The following SRGAP2 variants were observed in gnomAD, a reference collection of about 807,000 sequenced individuals.
SRGAP2 encodes the protein SLIT-ROBO Rho GTPase-activating protein 2.
Under a neutral mutation model 57.2 loss-of-function variants are expected in SRGAP2, and 15 were observed. The ratio of observed to expected loss-of-function variants is 0.26; its 90% CI spans 0.18 to 0.40. The LOEUF is 0.40. Among genes scored for constraint, SRGAP2 ranks in the 10% least tolerant of loss-of-function variants. The pLI, the probability that SRGAP2 is intolerant of heterozygous loss-of-function variation, is 1.00. For missense variants in SRGAP2, 520 were observed against 669.6 expected (o/e 0.78, Z 2.47); for synonymous variants, 249 against 248.0 (o/e 1.00, Z -0.04).
At chr1:206,264,088 T>G (rs1444976384) in intron 2 of SRGAP2, among the ~76,000 whole-genome samples, 1 of 152,022 alleles carries the variant, frequency 6.6e-6, no homozygotes, top group Admixed American at 6.6e-5. Context: ...AGAATGATAT[T>G]AGTTTGCTCT....
intron 3 of SRGAP2, among the ~76,000 whole-genome samples, chr1:206,307,220 A>T (rs1408623794): frequency 2.4e-4 from 37 of 152,188 alleles, no homozygotes; most frequent in African/African-American, 8.9e-4. Flanking sequence ...CTTGAGCTAG[A>T]CATAAAGGTT....
In SRGAP2 at chr1:206,314,377, G is replaced by A. The variant is rs1310731659; in HGVS notation, c.260+10904G>A. On this transcript the variant is annotated intron_variant, in intron 3 of 22. Coordinates refer to ENST00000573034, the MANE Select transcript of SRGAP2 (RefSeq NM_015326.5). ...TTGAACTCCTGACCTCAGGTGATCC[G>A]CACACCTTGGCCTCCCAAAGTGCTG... Among the ~76,000 whole-genome samples, 10 of 152,268 alleles carry A rather than the reference G, an allele frequency of 6.6e-5. No homozygotes were observed. In the East Asian group the frequency reaches 1.2e-3, roughly 18 times the overall value.
intron 4 of SRGAP2, among the ~76,000 whole-genome samples, chr1:206,359,065 C>T (rs1676689959): frequency 6.6e-6 from 1 of 152,212 alleles, no homozygotes; most frequent in African/African-American, 2.4e-5. Flanking sequence ...TAATTACCTG[C>T]TGCCAGGATT....
intron 2 of SRGAP2, among the ~76,000 whole-genome samples, chr1:206,290,740 TA>T (rs1671273014): frequency 6.6e-6 from 1 of 150,594 alleles, no homozygotes; most frequent in East Asian, 2.0e-4. Flanking sequence ...TATTAACTCA[TA>T]AAAACTCTGT....
chr1:206,371,314 A>G (rs1553342568), intron 4 of SRGAP2, among the ~76,000 whole-genome samples: 1 of 149,728 alleles, frequency 6.7e-6, no homozygotes, highest in Non-Finnish European at 1.5e-5. Context: ...ATGAGAAAAT[A>G]TATCGCCAGC....
At chr1:206,272,888 G>A (rs1180494696) in intron 2 of SRGAP2, among the ~76,000 whole-genome samples, 2 of 152,060 alleles carry the variant, frequency 1.3e-5, no homozygotes, top group African/African-American at 2.4e-5. Context: ...AGACCATTGC[G>A]TTAAAGCGTT....
At position 206,415,689 on chromosome 1, in the gene SRGAP2, G is replaced by T. The variant is rs188644983; in HGVS notation, c.1357-200G>T. Among the ~76,000 whole-genome samples the T allele has an allele frequency of 2.6e-3, 392 of 152,290 alleles. 2 individuals are homozygous for T. The highest frequency in any genetic ancestry group is 0.014 in the Middle Eastern group (4 of 294). ...ATCATAGAACTCCCAGAAAAAACCTGGAGAAGGATATTAATCCACCATGAA... is the reference window on the plus strand; with the variant it reads ...ATCATAGAACTCCCAGAAAAAACCTTGAGAAGGATATTAATCCACCATGAA... On this transcript the variant is annotated intron_variant, in intron 10 of 22. Transcript: ENST00000573034.
At chr1:206,340,969 G>T (rs540681408) in intron 3 of SRGAP2, among the ~76,000 whole-genome samples, 28 of 152,256 alleles carry the variant, frequency 1.8e-4, no homozygotes, top group African/African-American at 6.7e-4. Context: ...TTTGGCTACA[G>T]AAGAGTGATG....
intron 2 of SRGAP2, among the ~76,000 whole-genome samples, chr1:206,230,220 T>C (rs1181423603): frequency 6.6e-6 from 1 of 151,078 alleles, no homozygotes; most frequent in Admixed American, 6.6e-5. Context: ...AGCATGTTTT[T>C]GTCAGTTTAA....
Position 206,331,528 on chromosome 1 carries a change from C to T in SRGAP2, c.261-11318C>T, listed in dbSNP as rs781843935. The stretch of plus-strand genomic sequence containing the variant: ...GCATATATATTTAGGATAGTTAGCT[C>T]CTCATGTTGAATTGATCCCTTTACC... On this transcript the variant is annotated intron_variant, in intron 3 of 22. Transcript: ENST00000573034. 3.0e-3 allele frequency among the ~76,000 whole-genome samples: 458 copies of T among 150,262 alleles called. 2 individuals carry two copies. Among genetic ancestry groups the T allele is most frequent in the Non-Finnish European group, 3.9e-3 (261 of 67,790 alleles).
intron 4 of SRGAP2, among the ~76,000 whole-genome samples, chr1:206,344,097 A>C (rs1266740030): frequency 3.3e-5 from 5 of 152,100 alleles, no homozygotes; most frequent in African/African-American, 9.7e-5. Context: ...TCAGCTTTCC[A>C]GTTCTCAGGA....
chr1:206,410,798 A>G (rs1337487944), intron 10 of SRGAP2, among the ~76,000 whole-genome samples: 1 of 152,180 alleles, frequency 6.6e-6, no homozygotes, highest in Non-Finnish European at 1.5e-5. Context: ...CCTCATAGGC[A>G]GTGATGCTCG....
rs1553375467 is a variant in SRGAP2, at chr1:206,450,446, G to A, written c.2160G>A (p.Glu720=). The change falls in exon 19 of 23, where the codon GAG becomes GAA. Residue 720 remains glutamate (E), a synonymous_variant. Transcript: ENST00000573034. ...VEDSTQDVTA[E]HHTSDDECEP... Reference sequence around the variant, plus strand: ...ACTCAACCCAGGATGTGACCGCAGAGCACCACACGAGCGATGACGGTACGA... The same window carrying A: ...ACTCAACCCAGGATGTGACCGCAGAACACCACACGAGCGATGACGGTACGA... The A allele has an allele frequency of 1.3e-6, 1 of 780,768 alleles. No individual in the cohort carries two copies. The highest frequency in any genetic ancestry group is 2.4e-5 in the East Asian group (1 of 41,260). 48.4% of individuals were successfully genotyped at this position (780,768 alleles called of 1,614,324 possible).
chr1:206,375,602 TTGGAACAACCA>T (rs1280492029), intron 4 of SRGAP2, among the ~76,000 whole-genome samples: 1 of 152,138 alleles, frequency 6.6e-6, no homozygotes, highest in Admixed American at 6.5e-5. Flanking sequence ...TTCAAAGAGA[TTGGAACAACCA>T]TGGAAGAACA....
intron 21 of SRGAP2, among the ~76,000 whole-genome samples, chr1:206,457,312 T>TA (rs1663920253): frequency 6.6e-6 from 1 of 152,132 alleles, no homozygotes; most frequent in South Asian, 2.1e-4. Flanking sequence ...TATTCAGAGA[T>TA]AAAAAAGACG....
Position 206,430,451 on chromosome 1 carries a change from A to G in SRGAP2, c.1555+229A>G, listed in dbSNP as rs114549569. 6.5e-3 allele frequency among the ~76,000 whole-genome samples: 984 copies of G among 152,360 alleles called. 9 individuals are homozygous for G. Among genetic ancestry groups the G allele is most frequent in the African/African-American group, 0.022 (920 of 41,584 alleles). Reference sequence around the variant, plus strand: ...AAAATGCCTCAGCCACTTATCACGCAGCATTTTTTTAGCTTGAGAGTAAGT... The same window carrying G: ...AAAATGCCTCAGCCACTTATCACGCGGCATTTTTTTAGCTTGAGAGTAAGT... On this transcript the variant is annotated intron_variant, in intron 14 of 22. Transcript: ENST00000573034.
intron 7 of SRGAP2, among the ~76,000 whole-genome samples, chr1:206,394,452 A>G (rs1657369511): frequency 2.6e-5 from 4 of 152,196 alleles, no homozygotes; most frequent in Admixed American, 1.3e-4. Flanking sequence ...TTATATTTGT[A>G]TAGCATTTAA....
At chr1:206,303,536 G>T (rs1398696386) in intron 3 of SRGAP2, 63 bp downstream of exon 3, 22,576 of 818,564 alleles carry the variant, frequency 0.028, 728 homozygotes, top group African/African-American at 0.14. Context: ...GTGGAGGGGG[G>T]CAGGGTATGC....
intron 2 of SRGAP2, among the ~76,000 whole-genome samples, chr1:206,263,520 A>G (rs538211288): frequency 6.6e-6 from 1 of 152,310 alleles, no homozygotes; most frequent in South Asian, 2.1e-4. Flanking sequence ...AATGATGGAC[A>G]GATTGCCCCT....
Sources: allele counts gnomAD v4.1 joint callset (sites outside exome capture counted in the v4.1 genomes callset), GRCh38; gene constraint gnomAD v4.1.1; transcripts MANE v1.5; gene names NCBI Gene and HGNC (gene_info 2026-07-23, HGNC 2026-07-21).